The following TVP23A variants were observed in gnomAD, a reference collection of about 807,000 sequenced individuals.
TVP23A encodes the protein trans-golgi network vesicle protein 23 homolog A, also known as Golgi apparatus membrane protein TVP23 homolog A.
In TVP23A, 21 loss-of-function variants were observed where a neutral mutation model predicts 31.7. The observed-to-expected ratio is 0.66, with a 90% CI of 0.47 to 0.95. The LOEUF (loss-of-function observed/expected upper bound fraction) is 0.95, where lower values mean the gene tolerates loss of function less well. TVP23A is among the 40% of genes least tolerant of loss of function. TVP23A has a pLI of 0.00. For synonymous variants in TVP23A, 104 were observed against 96.0 expected, an observed-to-expected ratio of 1.08 and a Z score of -0.49; for missense variants, 279 against 255.6, an observed-to-expected ratio of 1.09 and a Z score of -0.62.
At chr16:10,814,581 A>AC (rs1456014725) in intron 2 of TVP23A, among the ~76,000 whole-genome samples, 1 of 145,904 alleles carries the variant, frequency 6.9e-6, no homozygotes, top group African/African-American at 2.8e-5. Flanking sequence ...TCCTACTTCC[A>AC]CCCCAACAAC....
intron 2 of TVP23A, among the ~76,000 whole-genome samples, chr16:10,807,416 A>G (rs1423567244): frequency 6.6e-6 from 1 of 152,226 alleles, no homozygotes; most frequent in Non-Finnish European, 1.5e-5. Flanking sequence ...CTCAAATACA[A>G]ATTTCACTTA....
Position 10,761,483 on chromosome 16 carries a change from G to A in TVP23A, c.*292C>T, listed in dbSNP as rs565315341. 3.5e-5 allele frequency: 57 copies of A among 1,607,610 alleles called. No individual in the cohort carries two copies. In the East Asian group the frequency reaches 7.1e-4, roughly 20 times the overall value. Reference sequence around the variant, plus strand: ...TCTGTCCTAAGTGCAAGGTGAGGGCGCGTGGGGCTGCCAGGCGAGCAAGAT... The same window carrying A: ...TCTGTCCTAAGTGCAAGGTGAGGGCACGTGGGGCTGCCAGGCGAGCAAGAT... On this transcript the variant is annotated 3_prime_UTR_variant and NMD_transcript_variant, in exon 9 of 9. Coordinates refer to the TVP23A transcript ENST00000456096.
chr16:10,793,901 C>CAAAAAAAAAAA (rs61392688), intron 2 of TVP23A, among the ~76,000 whole-genome samples: 6 of 39,180 alleles, frequency 1.5e-4, no homozygotes, highest in South Asian at 1.2e-3. Flanking sequence ...CCTGTCTCAC[C>CAAAAAAAAAAA]AAAAAAAAAA....
At position 10,794,934 on chromosome 16, in the gene TVP23A, TA is replaced by T. The variant is rs567617737; in HGVS notation, c.90-19839del. Among the ~76,000 whole-genome samples the T allele has an allele frequency of 7.2e-5, 11 of 151,832 alleles. No individual in the cohort carries two copies. The South Asian group carries it at 2.3e-3, about 32-fold the overall frequency. ...AGCAGGCTTAACCACAGAGAGCTAG[TA>T]ACACAGGCGACCCGAGGCAGTGGCC... On this transcript the variant is annotated intron_variant, in intron 2 of 7. Transcript: ENST00000299866.
intron 2 of TVP23A, among the ~76,000 whole-genome samples, chr16:10,807,627 C>A (rs749516375): frequency 1.3e-5 from 2 of 152,074 alleles, no homozygotes; most frequent in Non-Finnish European, 2.9e-5. Flanking sequence ...CAGCCTCCAC[C>A]ACATAGAATG....
At chr16:10,792,891 G>A (rs1279086833) in intron 2 of TVP23A, among the ~76,000 whole-genome samples, 1 of 152,230 alleles carries the variant, frequency 6.6e-6, no homozygotes, top group African/African-American at 2.4e-5. Context: ...TCCATTCAAA[G>A]GTCAGCACAA....
At chr16:10,762,226 T>G, downstream of TVP23A, 1 of 177,486 alleles carries the variant, frequency 5.6e-6, no homozygotes, top group Admixed American at 5.7e-5. Flanking sequence ...GAAAATCCCT[T>G]AGGAAGGGGC....
Position 10,767,150 on chromosome 16 carries a change from C to T in TVP23A, c.*1952G>A. ...TCACTTGCCTGTTTCGCCAGCAGCT[C>T]AGGCCTGGGGAGTGGGCAGAGCAAG... On this transcript the variant is annotated 3_prime_UTR_variant, in exon 8 of 8. Coordinates refer to ENST00000299866, the MANE Select transcript of TVP23A (RefSeq NM_001079512.4). The surrounding 1 kb of genome is among the most constrained non-coding windows in gnomAD (Gnocchi z 4.6). 5.0e-6 allele frequency: 2 copies of T among 399,054 alleles called. No individual in the cohort carries two copies. The highest frequency in any genetic ancestry group is 8.8e-6 in the Non-Finnish European group (2 of 226,412). 24.7% of individuals were successfully genotyped at this position (399,054 alleles called of 1,614,324 possible). A position where few individuals can be genotyped will look rare whatever the true frequency, so the allele number is the denominator to read the frequency against.
At chr16:10,761,458 TCTGTC>T (rs1482592164) in exon 9 of TVP23A, 1 of 1,613,970 alleles carries the variant, frequency 6.2e-7, no homozygotes, top group Non-Finnish European at 8.5e-7. Flanking sequence ...AGTGGCTTCA[TCTGTC>T]CTAAGTGCAA....
At chr16:10,809,238 C>T (rs1227412739) in intron 2 of TVP23A, among the ~76,000 whole-genome samples, 1 of 152,186 alleles carries the variant, frequency 6.6e-6, no homozygotes, top group Non-Finnish European at 1.5e-5. Flanking sequence ...AAAGTGGGTA[C>T]CCAGAAGGTG....
intron 6 of TVP23A, 97 bp downstream of exon 6, chr16:10,771,573 C>T (rs1329317640): frequency 9.0e-6 from 13 of 1,451,760 alleles, no homozygotes; most frequent in East Asian, 7.0e-5. Context: ...GGCAGCCTGG[C>T]GGATATGTTA....
rs1357303103 is a variant in TVP23A at position 10,771,760 on chromosome 16, G to A, written c.492C>T (p.Asn164=). The A allele has an allele frequency of 6.3e-7, 1 of 1,597,860 alleles. No individual in the cohort carries two copies. Among genetic ancestry groups the A allele is most frequent in the East Asian group, 2.3e-5 (1 of 44,312 alleles). Residue 164 remains asparagine, a synonymous_variant, in exon 6 of 8, where the codon AAC becomes AAT. Transcript: ENST00000299866. ...TCTTACAAAGGATGTAGCCATACAG[G>A]TTTGCAGCTTGGAGAGAGATCCCAG... is the stretch of plus-strand genomic sequence containing the variant. ...VVAGISLQAA[N]LYGYILCKMG...
At chr16:10,770,453 T>C in intron 6 of TVP23A, 122 bp from the exon 7 acceptor site, 2 of 1,087,406 alleles carry the variant, frequency 1.8e-6, no homozygotes, top group South Asian at 1.6e-5. Context: ...TTGCTTGATG[T>C]CTTGGCATAA....
chr16:10,764,194 G>A (rs575660276), downstream of TVP23A, among the ~76,000 whole-genome samples: 8 of 148,454 alleles, frequency 5.4e-5, no homozygotes, highest in South Asian at 4.4e-4. Context: ...ATCCCAGCCC[G>A]AAGGAGCGTC....
intron 6 of TVP23A, 99 bp from the exon 7 acceptor site, chr16:10,770,430 C>T: frequency 7.4e-7 from 1 of 1,351,922 alleles, no homozygotes; most frequent in Non-Finnish European, 1.0e-6. Context: ...GTACAGAAAA[C>T]CTGCGGAATT....
intron 2 of TVP23A, among the ~76,000 whole-genome samples, chr16:10,811,521 C>G (rs2034198291): frequency 6.6e-6 from 1 of 152,230 alleles, no homozygotes; most frequent in East Asian, 1.9e-4. Flanking sequence ...CCACCTGACT[C>G]AGCCTCCCAA....
downstream of TVP23A, among the ~76,000 whole-genome samples, chr16:10,764,232 G>T (rs2030492281): frequency 6.6e-6 from 1 of 152,198 alleles, no homozygotes; most frequent in Non-Finnish European, 1.5e-5. Context: ...CTCAGCCCAT[G>T]GGAGCATCTT....
rs917624103 is a variant in TVP23A, at chr16:10,768,555, C to T, written c.*547G>A. ...CTGGGAGGCGGAGGCTGCAGTAAGG[C>T]GAGATCGCGCCACTGCACTCCAGCC... On this transcript the variant is annotated 3_prime_UTR_variant, in exon 8 of 8. Transcript: ENST00000299866. This position sits in a 1 kb window ranked among gnomAD's most constrained non-coding sequence, Gnocchi z 4.3. 2.2e-4 allele frequency: 35 copies of T among 156,972 alleles called. No individual in the cohort carries two copies. Among genetic ancestry groups the T allele is most frequent in the Non-Finnish European group, 3.1e-4 (22 of 71,414 alleles). 9.7% of individuals were successfully genotyped at this position (156,972 alleles called of 1,614,324 possible). A position where few individuals can be genotyped will look rare whatever the true frequency, so the allele number is the denominator to read the frequency against.
At chr16:10,780,251 T>G (rs1300167205) in intron 2 of TVP23A, among the ~76,000 whole-genome samples, 2 of 152,204 alleles carry the variant, frequency 1.3e-5, no homozygotes, top group Non-Finnish European at 2.9e-5. Flanking sequence ...GTGATTACCC[T>G]TATCTTGTCT....
Sources: allele counts gnomAD v4.1 joint callset (sites outside exome capture counted in the v4.1 genomes callset), GRCh38; gene constraint gnomAD v4.1.1; non-coding constraint Gnocchi (gnomAD v3.1); transcripts MANE v1.5; gene names NCBI Gene and HGNC (gene_info 2026-07-23, HGNC 2026-07-21).